The following ARIH1 variants were observed in gnomAD, a reference collection of about 807,000 sequenced individuals.
ARIH1 encodes the protein ariadne RBR E3 ubiquitin protein ligase 1.
In ARIH1, 8 loss-of-function variants were observed where a neutral mutation model predicts 85.0. The ratio of observed to expected loss-of-function variants is 0.09; its 90% CI spans 0.06 to 0.17. The LOEUF (loss-of-function observed/expected upper bound fraction) is 0.17. ARIH1 is among the 10% of genes least tolerant of loss of function. ARIH1 has a pLI of 1.00. For missense variants in ARIH1, 311 were observed against 718.1 expected (o/e 0.43, Z 6.48); for synonymous variants, 238 against 253.6 (o/e 0.94, Z 0.59).
chr15:72,544,917 G>A lies in ARIH1; in HGVS notation c.541G>A (p.Ala181Thr). 6.2e-7 allele frequency: 1 copy of A among 1,612,316 alleles called. No homozygotes were observed. Among genetic ancestry groups the A allele is most frequent in the Non-Finnish European group, 8.5e-7 (1 of 1,178,728 alleles). The change falls in exon 3 of 14, where the codon GCA (alanine) becomes ACA (threonine). Residue 181 changes from alanine (A) to threonine (T), a missense_variant. This residue lies in a region of ARIH1 where 104 missense variants were observed against 221.4 expected (regional missense o/e 0.47). Coordinates refer to ENST00000379887, the MANE Select transcript of ARIH1 (RefSeq NM_005744.5). ...ACGCCAGATGAATACAAGGTCATCA[G>A]CACAGGATATGCCTTGTCAGATCTG... is the stretch of plus-strand genomic sequence containing the variant. ...RTRQMNTRSS[A>T]QDMPCQICYL...
chr15:72,510,115 AT>A (rs2063943438), intron 1 of ARIH1, among the ~76,000 whole-genome samples: 1 of 152,124 alleles, frequency 6.6e-6, no homozygotes, highest in Non-Finnish European at 1.5e-5. Flanking sequence ...CCACTGTGTC[AT>A]TTAAATAGAA....
At chr15:72,500,296 T>C (rs2063897376) in intron 1 of ARIH1, among the ~76,000 whole-genome samples, 1 of 152,180 alleles carries the variant, frequency 6.6e-6, no homozygotes, top group African/African-American at 2.4e-5. Flanking sequence ...GGTTTCACTG[T>C]GTTGGCCAGG....
chr15:72,578,821 G>T (rs33940873), intron 11 of ARIH1, among the ~76,000 whole-genome samples: 117,582 of 145,072 alleles, frequency 0.81, 51,360 homozygotes, highest in East Asian at 1. Flanking sequence ...TTGGTGTTTT[G>T]TTTTTTTTTT....
At chr15:72,485,667 G>T (rs2063834831) in intron 1 of ARIH1, among the ~76,000 whole-genome samples, 1 of 151,898 alleles carries the variant, frequency 6.6e-6, no homozygotes, top group African/African-American at 2.4e-5. Context: ...TCTTCCTGAG[G>T]TTAATCAACC....
At chr15:72,558,249 G>A (rs1347817938) in intron 5 of ARIH1, among the ~76,000 whole-genome samples, 2 of 152,194 alleles carry the variant, frequency 1.3e-5, no homozygotes, top group Non-Finnish European at 2.9e-5. Flanking sequence ...ATGAAGAGAT[G>A]TTGGACTTTA....
chr15:72,474,857 C>G lies in ARIH1; in HGVS notation c.218C>G (p.Ala73Gly). 7.0e-7 allele frequency: 1 copy of G among 1,420,528 alleles called. No homozygotes were observed. Among genetic ancestry groups the G allele is most frequent in the Non-Finnish European group, 9.2e-7 (1 of 1,081,998 alleles). 88.0% of individuals were successfully genotyped at this position (1,420,528 alleles called of 1,614,324 possible). ...GAGACGGGCGGTGGCGGCGGCAGCG[C>G]TCTGGGGCCCGGCGGTGGCGGCGGC... ...CGETGGGGGS[A>G]LGPGGGGGGG... is the part of the protein sequence containing the mutation. Residue 73 changes from alanine to glycine, a missense_variant, in exon 1 of 14, where the codon GCT (alanine) becomes GGT (glycine). By Grantham distance (60) the Ala-to-Gly change is moderately conservative. Around this residue, in one of 3 missense-constraint regions of ARIH1, gnomAD observed 157 missense variants for 185.1 expected, o/e 0.85. Transcript: ENST00000379887.
Position 72,587,101 on chromosome 15 carries a change from A to T in ARIH1, c.*3809A>T, listed in dbSNP as rs1490343046. 1 of 426,706 alleles carries T rather than the reference A, an allele frequency of 2.3e-6. No homozygotes were observed. Among genetic ancestry groups the T allele is most frequent in the Non-Finnish European group, 4.6e-6 (1 of 218,270 alleles). The allele number at this position is 426,706 out of a possible 1,614,324, so 26.4% of individuals were successfully genotyped here. On this transcript the variant is annotated 3_prime_UTR_variant, in exon 14 of 14. Transcript: ENST00000379887. ...GTTTATCACTTTTCCTCTTCAAAGC[A>T]CTTCAACTTACTGTCTAAAACAAGT...
chr15:72,542,539 A>AT (rs1168047679), intron 2 of ARIH1, among the ~76,000 whole-genome samples: 3 of 152,202 alleles, frequency 2.0e-5, no homozygotes, highest in African/African-American at 7.2e-5. Flanking sequence ...GTCCTTCAGA[A>AT]TAACATTGGT....
At chr15:72,528,572 G>T (rs150557712) in intron 2 of ARIH1, among the ~76,000 whole-genome samples, 1 of 152,094 alleles carries the variant, frequency 6.6e-6, no homozygotes, top group Admixed American at 6.6e-5. Flanking sequence ...AACAATCCAC[G>T]GCCGGGCACA....
intron 9 of ARIH1, among the ~76,000 whole-genome samples, chr15:72,567,547 T>C (rs1481521824): frequency 1.3e-5 from 2 of 152,248 alleles, no homozygotes; most frequent in African/African-American, 4.8e-5. Context: ...GTTAGGCTAA[T>C]TTACATTTTT....
At chr15:72,523,922 G>A (rs562213193) in intron 2 of ARIH1, among the ~76,000 whole-genome samples, 4 of 148,124 alleles carry the variant, frequency 2.7e-5, no homozygotes, top group East Asian at 4.0e-4. Context: ...GAAAAATACC[G>A]TGTGCTACTT....
At chr15:72,555,168 AG>A in intron 3 of ARIH1, 102 bp from the exon 4 acceptor site, 1 of 770,850 alleles carries the variant, frequency 1.3e-6, no homozygotes, top group Admixed American at 2.7e-5. Flanking sequence ...TGGACATTTT[AG>A]CCACGTAAGA....
chr15:72,488,429 G>A (rs576571233), intron 1 of ARIH1, among the ~76,000 whole-genome samples: 109 of 152,228 alleles, frequency 7.2e-4, no homozygotes, highest in Non-Finnish European at 1.3e-3. Context: ...CTGCCAGGCT[G>A]GCTGCGGTGG....
intron 1 of ARIH1, among the ~76,000 whole-genome samples, chr15:72,478,363 C>T (rs1235459741): frequency 6.6e-6 from 1 of 152,120 alleles, no homozygotes; most frequent in African/African-American, 2.4e-5. Context: ...GTGATCCACA[C>T]AGCTGGGCCT....
At chr15:72,475,199 C>A (rs757055711) in intron 1 of ARIH1, 185 bp downstream of exon 1, 125 of 1,297,848 alleles carry the variant, frequency 9.6e-5, no homozygotes, top group Non-Finnish European at 1.2e-4. Flanking sequence ...GCCGATTAGC[C>A]GGGTGTGGGG....
At chr15:72,504,882 A>C (rs2063918356) in intron 1 of ARIH1, among the ~76,000 whole-genome samples, 1 of 152,176 alleles carries the variant, frequency 6.6e-6, no homozygotes. Flanking sequence ...ACTAAGCATT[A>C]ATTATGTTGA....
chr15:72,558,261 T>C (rs1423818066), intron 5 of ARIH1, among the ~76,000 whole-genome samples: 1 of 152,214 alleles, frequency 6.6e-6, no homozygotes, highest in Admixed American at 6.5e-5. Context: ...TGGACTTTAT[T>C]GAAAGCTTTT....
At chr15:72,516,508 A>G (rs566152687) in intron 1 of ARIH1, among the ~76,000 whole-genome samples, 2 of 152,220 alleles carry the variant, frequency 1.3e-5, no homozygotes, top group African/African-American at 4.8e-5. Context: ...AAATAAACGT[A>G]TAACTTAGGA....
intron 1 of ARIH1, among the ~76,000 whole-genome samples, chr15:72,477,755 G>A (rs2063800181): frequency 1.3e-5 from 2 of 151,890 alleles, no homozygotes; most frequent in Middle Eastern, 3.2e-3. Context: ...TAAATGCTTT[G>A]TGGCTACCTA....
Sources: allele counts gnomAD v4.1 joint callset (sites outside exome capture counted in the v4.1 genomes callset), GRCh38; gene constraint gnomAD v4.1.1; regional missense constraint gnomAD v4.1.1; transcripts MANE v1.5; gene names NCBI Gene and HGNC (gene_info 2026-07-23, HGNC 2026-07-21).